The following GPATCH2L variants were observed in gnomAD, a reference collection of about 807,000 sequenced individuals.
GPATCH2L encodes G patch domain-containing protein 2-like.
GPATCH2L carries 31 observed loss-of-function variants against 57.4 expected under a neutral mutation model. The ratio of observed to expected loss-of-function variants is 0.54; its 90% CI spans 0.41 to 0.73. The LOEUF is 0.73. GPATCH2L is among the 30% of genes least tolerant of loss of function. GPATCH2L has a pLI of 0.00. For synonymous variants in GPATCH2L, 199 were observed against 210.7 expected, an observed-to-expected ratio of 0.94 and a Z score of 0.48; for missense variants, 481 against 599.9, an observed-to-expected ratio of 0.80 and a Z score of 2.07.
At chr14:76,160,510 A>C (rs183890752) in intron 2 of GPATCH2L, among the ~76,000 whole-genome samples, 1 of 152,346 alleles carries the variant, frequency 6.6e-6, no homozygotes, top group East Asian at 1.9e-4. Context: ...GAAGAAACCA[A>C]AGTGCTGGAG....
intron 3 of GPATCH2L, among the ~76,000 whole-genome samples, chr14:76,171,412 TA>T (rs548378367): frequency 6.6e-6 from 1 of 151,842 alleles, no homozygotes; most frequent in Non-Finnish European, 1.5e-5. Flanking sequence ...CCGTCTCTAC[TA>T]AAAAAATACA....
At chr14:76,153,535 C>G (rs941534808) in intron 1 of GPATCH2L, 2 of 152,186 alleles carry the variant, frequency 1.3e-5, no homozygotes. Flanking sequence ...CTATTGTATC[C>G]TAGTTTTCTG....
At position 76,180,781 on chromosome 14, in the gene GPATCH2L, C is replaced by G. The variant is rs768948580; in HGVS notation, c.1125C>G (p.Pro375=). 6.2e-7 allele frequency: 1 copy of G among 1,611,770 alleles called. No individual in the cohort carries two copies. The highest frequency in any genetic ancestry group is 1.1e-5 in the South Asian group (1 of 91,038). The stretch of plus-strand genomic sequence containing the variant: ...TCCTGCAGTTCAATCCCCTGTCTCC[C>G]CTTTACTCCCTGGATGTTCTTGCCG... ...ACAHEFNPLS[P]LYSLDVLADA... is the part of the protein sequence containing the mutation. The change falls in exon 8 of 10, where the codon CCC becomes CCG. Residue 375 remains proline, a synonymous_variant. Coordinates refer to ENST00000261530, the MANE Select transcript of GPATCH2L (RefSeq NM_017926.4).
downstream of GPATCH2L, among the ~76,000 whole-genome samples, chr14:76,219,069 T>G (rs1184365158): frequency 6.8e-6 from 1 of 148,028 alleles, no homozygotes; most frequent in Non-Finnish European, 1.5e-5. Context: ...TTTCTAAGTA[T>G]GACACAAAAC....
At chr14:76,197,159 T>C (rs753867052) in intron 9 of GPATCH2L, among the ~76,000 whole-genome samples, 1 of 152,150 alleles carries the variant, frequency 6.6e-6, no homozygotes, top group Non-Finnish European at 1.5e-5. Flanking sequence ...ATCAGACCGG[T>C]TTCCTTGTGA....
At chr14:76,232,006 G>GCCTCACT (rs1387859717) in intron 2 of GPATCH2L, among the ~76,000 whole-genome samples, 3,365 of 151,544 alleles carry the variant, frequency 0.022, 211 homozygotes, top group African/African-American at 0.074. Context: ...CCTCACTGCA[G>GCCTCACT]GCTCAAGCAA....
intron 9 of GPATCH2L, among the ~76,000 whole-genome samples, chr14:76,197,883 C>T (rs974312304): frequency 2.6e-5 from 4 of 152,178 alleles, no homozygotes; most frequent in African/African-American, 9.7e-5. Context: ...AACACTCTCC[C>T]CTGTCACTGT....
At chr14:76,178,269 C>G (rs761426523) in intron 7 of GPATCH2L, 9 of 1,477,818 alleles carry the variant, frequency 6.1e-6, no homozygotes, top group Non-Finnish European at 8.1e-6. Flanking sequence ...AGTTCAACAT[C>G]AGAATCCTGC....
At chr14:76,198,744 A>G (rs2040229856) in intron 9 of GPATCH2L, among the ~76,000 whole-genome samples, 1 of 151,960 alleles carries the variant, frequency 6.6e-6, no homozygotes. Context: ...AGAGAGAGAG[A>G]TTTGAATTGT....
chr14:76,234,430 G>A (rs545191564), intron 2 of GPATCH2L: 4 of 152,308 alleles, frequency 2.6e-5, no homozygotes, highest in African/African-American at 7.2e-5. Flanking sequence ...ATGTGGCAAA[G>A]GTGATGAGAT....
At chr14:76,161,806 C>T (rs1194689588) in intron 2 of GPATCH2L, among the ~76,000 whole-genome samples, 1 of 152,118 alleles carries the variant, frequency 6.6e-6, no homozygotes, top group Non-Finnish European at 1.5e-5. Flanking sequence ...GAGGCCTAGG[C>T]GGGTGGATCA....
chr14:76,214,867 G>GT (rs1025023973), downstream of GPATCH2L, among the ~76,000 whole-genome samples: 13 of 151,220 alleles, frequency 8.6e-5, no homozygotes, highest in South Asian at 2.1e-4. Flanking sequence ...CATGGGAAAG[G>GT]TTTTTTTTTC....
intron 9 of GPATCH2L, 138 bp downstream of exon 9, chr14:76,196,110 T>A: frequency 1.3e-6 from 1 of 744,642 alleles, no homozygotes; most frequent in Non-Finnish European, 2.4e-6. Context: ...AAACTGAGAC[T>A]ACAAGAAATA....
Position 76,208,430 on chromosome 14 carries a change from T to C in GPATCH2L, c.*6579T>C, listed in dbSNP as rs12589946. 0.39 allele frequency: 59,223 copies of C among 151,870 alleles called. 14,049 individuals carry two copies. The highest frequency in any genetic ancestry group is 0.56 in the South Asian group (2,677 of 4,812). The allele number at this position is 151,870 out of a possible 1,614,324, so 9.4% of individuals were successfully genotyped here. On this transcript the variant is annotated 3_prime_UTR_variant, in exon 10 of 10. Coordinates refer to ENST00000261530, the MANE Select transcript of GPATCH2L (RefSeq NM_017926.4). ...ATTGCTCTCAGTATTGATGTCAAAC[T>C]CCCTCCTGTTGTCAGCAGCTTATTG... is the stretch of plus-strand genomic sequence containing the variant.
At chr14:76,177,847 C>G in intron 6 of GPATCH2L, 141 bp from the exon 7 acceptor site, 1 of 1,272,622 alleles carries the variant, frequency 7.9e-7, no homozygotes, top group Non-Finnish European at 1.1e-6. Flanking sequence ...TTTCCTATCA[C>G]TTCTTTTATT....
chr14:76,212,760 G>C lies in GPATCH2L; in HGVS notation c.*10909G>C, dbSNP rs1441135952. ...TACAGAAAACATAAGTTTCAGAACG[G>C]AAAAAAGGAACAACAGATGGCATTT... On this transcript the variant is annotated 3_prime_UTR_variant, in exon 10 of 10. Coordinates refer to ENST00000261530, the MANE Select transcript of GPATCH2L (RefSeq NM_017926.4). 1 of 151,724 alleles carries C rather than the reference G, an allele frequency of 6.6e-6. No individual in the cohort carries two copies. Among genetic ancestry groups the C allele is most frequent in the Admixed American group, 6.6e-5 (1 of 15,234 alleles). The allele number at this position is 151,724 out of a possible 1,614,324, so 9.4% of individuals were successfully genotyped here.
chr14:76,235,233 T>A (rs1343542363), intron 2 of GPATCH2L, among the ~76,000 whole-genome samples: 1 of 152,070 alleles, frequency 6.6e-6, no homozygotes, highest in Non-Finnish European at 1.5e-5. Context: ...TATATTGAAT[T>A]GAATGACTGA....
chr14:76,224,597 TGAAATATTAAAAGCTTTCACCTTGA>T, intron 1 of GPATCH2L, among the ~76,000 whole-genome samples: 1 of 152,160 alleles, frequency 6.6e-6, no homozygotes, highest in Admixed American at 6.5e-5. Flanking sequence ...TAGTTAATAG[TGAAATATTAAAAGCTTTCACCTTGA>T]GATTAGGAAT....
rs2040359571 is a variant in GPATCH2L at position 76,205,090 on chromosome 14, C to T, written c.*3239C>T. The T allele has an allele frequency of 6.6e-6, 1 of 152,356 alleles. No homozygotes were observed. The highest frequency in any genetic ancestry group is 2.4e-5 in the African/African-American group (1 of 41,428). 9.4% of individuals were successfully genotyped at this position (152,356 alleles called of 1,614,324 possible). A position where few individuals can be genotyped will look rare whatever the true frequency, so the allele number is the denominator to read the frequency against. ...GCTCAAGCCATCCTCCTGCCTCAGC[C>T]TCCTGAGTTGTGAGGACTATGGAAG... is the stretch of plus-strand genomic sequence containing the variant. On this transcript the variant is annotated 3_prime_UTR_variant, in exon 10 of 10. Transcript: ENST00000261530.
Sources: gnomAD v4.1 joint callset for allele counts (sites outside exome capture counted in the v4.1 genomes callset) on GRCh38, gnomAD v4.1.1 for gene constraint, MANE v1.5 for transcripts, NCBI Gene and HGNC (gene_info 2026-07-23, HGNC 2026-07-21) for gene names.